RNASE4: variants seen among roughly 807,000 people sequenced by gnomAD.
The protein encoded by RNASE4 is ribonuclease A family member 4.
For missense variants in RNASE4, 194 were observed against 192.8 expected, an observed-to-expected ratio of 1.01 and a Z score of -0.04; for synonymous variants, 93 against 71.4, an observed-to-expected ratio of 1.30 and a Z score of -1.52.
At chr14:20,692,113 T>A (rs1480986922) in intron 1 of RNASE4, among the ~76,000 whole-genome samples, 2 of 152,266 alleles carry the variant, frequency 1.3e-5, no homozygotes, top group African/African-American at 4.8e-5. Flanking sequence ...ATTAATTTAA[T>A]GTCTTTGAAA....
At chr14:20,689,155 CG>C (rs2139005827) in intron 1 of RNASE4, among the ~76,000 whole-genome samples, 1 of 152,312 alleles carries the variant, frequency 6.6e-6, no homozygotes, top group Admixed American at 6.5e-5. Context: ...TGAAGGCCAT[CG>C]GGAGTCCTCC....
At chr14:20,697,884 G>A (rs1007004662) in intron 1 of RNASE4, among the ~76,000 whole-genome samples, 3 of 152,106 alleles carry the variant, frequency 2.0e-5, no homozygotes, top group African/African-American at 7.2e-5. Flanking sequence ...GAATCAAGCC[G>A]ATTCACAATT....
Position 20,699,892 on chromosome 14 carries a change from G to C in RNASE4, c.*77G>C. On this transcript the variant is annotated 3_prime_UTR_variant, in exon 2 of 2. Transcript: ENST00000555835. The stretch of plus-strand genomic sequence containing the variant: ...AAATAGCAGTGAGTAATGCATTTGA[G>C]CTGTCCCAGGCTCTGTCTCCTCAGC... 7.9e-7 allele frequency: 1 copy of C among 1,269,614 alleles called. No homozygotes were observed. The highest frequency in any genetic ancestry group is 1.8e-5 in the Admixed American group (1 of 54,952). 78.6% of individuals were successfully genotyped at this position (1,269,614 alleles called of 1,614,324 possible).
intron 1 of RNASE4, among the ~76,000 whole-genome samples, chr14:20,695,184 C>T (rs1186418168): frequency 6.6e-6 from 1 of 152,092 alleles, no homozygotes; most frequent in Non-Finnish European, 1.5e-5. Flanking sequence ...ATCACGAGGT[C>T]AAGAGATCAA....
chr14:20,688,898 T>C (rs891094000), intron 1 of RNASE4: 1 of 975,140 alleles, frequency 1.0e-6, no homozygotes, highest in Non-Finnish European at 1.2e-6. Flanking sequence ...CAATTTGTTT[T>C]ATATATTATT....
chr14:20,685,665 A>C (rs1594200475), intron 1 of RNASE4, among the ~76,000 whole-genome samples: 1 of 152,224 alleles, frequency 6.6e-6, no homozygotes, highest in Admixed American at 6.5e-5. Flanking sequence ...GTAATAGTCA[A>C]TGTAGGTTTC....
At chr14:20,694,123 G>A in intron 1 of RNASE4, 1 of 1,152,772 alleles carries the variant, frequency 8.7e-7, no homozygotes, top group Admixed American at 1.8e-5. Context: ...AGAGCTACCT[G>A]GACCTTTTGT....
At chr14:20,690,029 C>T (rs543926921) in intron 1 of RNASE4, among the ~76,000 whole-genome samples, 1 of 147,342 alleles carries the variant, frequency 6.8e-6, no homozygotes, top group Non-Finnish European at 1.5e-5. Flanking sequence ...TCCTGGCTAA[C>T]AAGGTGAAAC....
intron 1 of RNASE4, among the ~76,000 whole-genome samples, chr14:20,691,163 A>G (rs1388130979): frequency 6.6e-6 from 1 of 152,178 alleles, no homozygotes; most frequent in African/African-American, 2.4e-5. Context: ...TCCTGCAAGT[A>G]CGGTATTTCC....
Position 20,699,524 on chromosome 14 carries a change from C to T in RNASE4, c.153C>T (p.Arg51=). The change falls in exon 2 of 2, where the codon CGC becomes CGT. Residue 51 remains arginine, a synonymous_variant. Coordinates refer to ENST00000555835, the MANE Select transcript of RNASE4 (RefSeq NM_002937.5). ...VHPEETGGSD[R]YCNLMMQRRK... ...CTGAGGAGACAGGTGGCAGTGATCG[C>T]TACTGCAACTTGATGATGCAAAGAC... The T allele has an allele frequency of 1.2e-6, 2 of 1,614,194 alleles. No individual in the cohort carries two copies. Among genetic ancestry groups the T allele is most frequent in the Non-Finnish European group, 1.7e-6 (2 of 1,180,046 alleles).
intron 1 of RNASE4, among the ~76,000 whole-genome samples, chr14:20,688,032 G>T (rs4470055): frequency 2.0e-5 from 3 of 151,994 alleles, no homozygotes; most frequent in Admixed American, 6.5e-5. Context: ...CTGTTTTTAC[G>T]CAAGCAATGG....
rs1566602182 is a variant in RNASE4 at position 20,693,583 on chromosome 14, G to A, written c.-17-5772G>A. 7 of 1,613,128 alleles carry A rather than the reference G, an allele frequency of 4.3e-6. No homozygotes were observed. The East Asian group carries it at 8.9e-5, about 21-fold the overall frequency. On this transcript the variant is annotated intron_variant, in intron 1 of 1. Transcript: ENST00000555835. ...GGAAGAGATGGTGATGGGCCTGGGC[G>A]TTTTGTTGTTGGTCTTCGTGCTGGG...
chr14:20,693,060 G>A (rs917589247), intron 1 of RNASE4, among the ~76,000 whole-genome samples: 4 of 151,720 alleles, frequency 2.6e-5, no homozygotes, highest in African/African-American at 7.3e-5. Context: ...TGGTAGCCAG[G>A]ATGGTCTCGA....
Position 20,700,072 on chromosome 14 carries a change from C to T in RNASE4, c.*257C>T, listed in dbSNP as rs1887244680. On this transcript the variant is annotated 3_prime_UTR_variant, in exon 2 of 2. Coordinates refer to ENST00000555835, the MANE Select transcript of RNASE4 (RefSeq NM_002937.5). The stretch of plus-strand genomic sequence containing the variant: ...TCAGCTTAGCTCTCTCAGATCCTAT[C>T]CTGTGGAATTTAGTTATTATGTGTA... The T allele has an allele frequency of 2.1e-6, 1 of 475,350 alleles. No individual in the cohort carries two copies. Among genetic ancestry groups the T allele is most frequent in the African/African-American group, 1.9e-5 (1 of 51,606 alleles). The allele number at this position is 475,350 out of a possible 1,614,324, so 29.4% of individuals were successfully genotyped here.
chr14:20,686,039 T>TAAA (rs11378368), intron 1 of RNASE4, among the ~76,000 whole-genome samples: 10 of 137,950 alleles, frequency 7.2e-5, no homozygotes, highest in African/African-American at 1.6e-4. Flanking sequence ...GACTCCGTCT[T>TAAA]AAAAAAAAAA....
intron 1 of RNASE4, among the ~76,000 whole-genome samples, chr14:20,689,507 GGTGT>G (rs1886596497): frequency 6.6e-6 from 1 of 152,178 alleles, no homozygotes; most frequent in South Asian, 2.1e-4. Context: ...TTAACTCCCT[GGTGT>G]GTAAAATTTG....
chr14:20,694,104 C>T (rs1886982213), intron 1 of RNASE4: 5 of 1,420,516 alleles, frequency 3.5e-6, no homozygotes, highest in Non-Finnish European at 5.0e-6. Flanking sequence ...TTGCCAAGGG[C>T]CCAAAGAAAG....
rs1284539792 is a variant in RNASE4 at position 20,699,548 on chromosome 14, A to C, written c.177A>C (p.Arg59Ser). 6.2e-7 allele frequency: 1 copy of C among 1,614,086 alleles called. No homozygotes were observed. Residue 59 changes from arginine to serine, a missense_variant, in exon 2 of 2, where the codon AGA becomes AGC. Coordinates refer to ENST00000555835, the MANE Select transcript of RNASE4 (RefSeq NM_002937.5). ...GCTACTGCAACTTGATGATGCAAAG[A>C]CGGAAGATGACTTTGTATCACTGCA... ...SDRYCNLMMQRRKMTLYHCKR... is the reference protein window; with the variant it reads ...SDRYCNLMMQSRKMTLYHCKR...
At chr14:20,697,519 G>A (rs976387088) in intron 1 of RNASE4, among the ~76,000 whole-genome samples, 4 of 152,126 alleles carry the variant, frequency 2.6e-5, no homozygotes, top group African/African-American at 9.7e-5. Context: ...AGATGGCTAT[G>A]GATATAGGAG....
Sources: allele counts gnomAD v4.1 joint callset (sites outside exome capture counted in the v4.1 genomes callset), GRCh38; gene constraint gnomAD v4.1.1; transcripts MANE v1.5; gene names NCBI Gene and HGNC (gene_info 2026-07-23, HGNC 2026-07-21).